The following STK32B variants were observed in gnomAD, a reference collection of about 807,000 sequenced individuals.
The protein encoded by STK32B is serine/threonine-protein kinase 32B.
A neutral mutation model predicts 52.6 loss-of-function variants in STK32B; 43 were observed. The ratio of observed to expected loss-of-function variants is 0.82; its 90% CI spans 0.64 to 1.05. The LOEUF is 1.05. Among genes scored for constraint, STK32B ranks in the 50% least tolerant of loss-of-function variants. The pLI is 0.00. For missense variants in STK32B, 621 were observed against 534.6 expected, an observed-to-expected ratio of 1.16 and a Z score of -1.59; for synonymous variants, 238 against 204.3, an observed-to-expected ratio of 1.17 and a Z score of -1.41.
intron 11 of STK32B, among the ~76,000 whole-genome samples, chr4:5,473,317 C>T (rs1717985954): frequency 6.6e-6 from 1 of 152,192 alleles, no homozygotes; most frequent in African/African-American, 2.4e-5. Context: ...GGAAGGATTG[C>T]TTTGCACAAG....
intron 6 of STK32B, among the ~76,000 whole-genome samples, chr4:5,432,111 A>C (rs1713638135): frequency 6.6e-6 from 1 of 152,238 alleles, no homozygotes; most frequent in Admixed American, 6.5e-5. Context: ...ATGCGTCAAT[A>C]AGTTGTCTCA....
chr4:5,457,300 C>T (rs1225905019), intron 8 of STK32B, among the ~76,000 whole-genome samples: 1 of 149,846 alleles, frequency 6.7e-6, no homozygotes, highest in Non-Finnish European at 1.5e-5. Context: ...ACTGCAAGCT[C>T]CGCCTCCCGG....
chr4:5,106,407 T>C (rs892237789), intron 1 of STK32B, among the ~76,000 whole-genome samples: 16 of 152,240 alleles, frequency 1.1e-4, no homozygotes, highest in Admixed American at 5.2e-4. Flanking sequence ...TTTTTTTTAT[T>C]GTCAACTATT....
chr4:5,215,041 A>G (rs16836876), intron 3 of STK32B, among the ~76,000 whole-genome samples: 5,785 of 152,304 alleles, frequency 0.038, 120 homozygotes, highest in African/African-American at 0.061. Context: ...GAATTGATGG[A>G]TATATTGAAA....
intron 11 of STK32B, among the ~76,000 whole-genome samples, chr4:5,492,680 T>C (rs1199700553): frequency 6.6e-6 from 1 of 151,172 alleles, no homozygotes; most frequent in East Asian, 1.9e-4. Flanking sequence ...GCTTCCAGTT[T>C]TTGCCCATTC....
intron 7 of STK32B, among the ~76,000 whole-genome samples, chr4:5,450,034 A>G (rs1193735191): frequency 2.0e-5 from 3 of 152,194 alleles, no homozygotes; most frequent in Non-Finnish European, 2.9e-5. Flanking sequence ...CATGGAAAAA[A>G]ATGTCTTCCA....
At chr4:5,156,076 C>T (rs1717807606) in intron 2 of STK32B, among the ~76,000 whole-genome samples, 1 of 151,602 alleles carries the variant, frequency 6.6e-6, no homozygotes, top group Non-Finnish European at 1.5e-5. Flanking sequence ...TTCATAGATA[C>T]ACATACATGT....
At chr4:5,111,925 A>G (rs1323881410) in intron 1 of STK32B, among the ~76,000 whole-genome samples, 2 of 152,126 alleles carry the variant, frequency 1.3e-5, no homozygotes, top group Non-Finnish European at 2.9e-5. Flanking sequence ...AAAGCAGCAA[A>G]TAAAGGAGAT....
chr4:5,339,229 G>A lies in STK32B; in HGVS notation c.434+7836G>A, dbSNP rs115989191. 7.8e-3 allele frequency among the ~76,000 whole-genome samples: 1,193 copies of A among 152,248 alleles called. 16 individuals carry two copies. Among genetic ancestry groups the A allele is most frequent in the African/African-American group, 0.028 (1,146 of 41,540 alleles). On this transcript the variant is annotated intron_variant, in intron 4 of 11. Transcript: ENST00000282908. ...CTGGGTCTCCAGCTTGCAGATAGCA[G>A]ATCATAGGACTTCTCAGCCTCCAAA...
chr4:5,140,773 G>A (rs777674214), intron 2 of STK32B, among the ~76,000 whole-genome samples: 13 of 152,094 alleles, frequency 8.5e-5, no homozygotes, highest in Non-Finnish European at 1.6e-4. Flanking sequence ...CTCCCTCCTT[G>A]CCTAGTTTTA....
intron 3 of STK32B, among the ~76,000 whole-genome samples, chr4:5,329,582 C>T (rs560788897): frequency 2.0e-5 from 3 of 152,308 alleles, no homozygotes; most frequent in African/African-American, 7.2e-5. Context: ...AATGCCAGCC[C>T]GTGCATTGTC....
chr4:5,351,124 A>G (rs187205777), intron 4 of STK32B, among the ~76,000 whole-genome samples: 1 of 152,176 alleles, frequency 6.6e-6, no homozygotes, highest in African/African-American at 2.4e-5. Flanking sequence ...TACTCCACAT[A>G]AGACCAAAAG....
intron 3 of STK32B, among the ~76,000 whole-genome samples, chr4:5,174,913 A>G (rs1325550583): frequency 6.6e-6 from 1 of 152,024 alleles, no homozygotes; most frequent in Non-Finnish European, 1.5e-5. Context: ...ACTTGGTTCC[A>G]TTTTCCCTGT....
intron 3 of STK32B, among the ~76,000 whole-genome samples, chr4:5,288,241 C>T (rs548223789): frequency 3.3e-5 from 5 of 152,218 alleles, no homozygotes; most frequent in African/African-American, 1.2e-4. Flanking sequence ...TTTCACTTCT[C>T]TTAGGTATAT....
chr4:5,282,328 A>C (rs1728253229), intron 3 of STK32B, among the ~76,000 whole-genome samples: 1 of 152,152 alleles, frequency 6.6e-6, no homozygotes, highest in Admixed American at 6.5e-5. Context: ...CCCTTATATA[A>C]AATGCCACAA....
chr4:5,395,277 A>C lies in STK32B; in HGVS notation c.435-2930A>C, dbSNP rs1242447538. On this transcript the variant is annotated intron_variant, in intron 4 of 11. Transcript: ENST00000282908. This position sits in a 1 kb window ranked among gnomAD's most constrained non-coding sequence, Gnocchi z 4.4. The stretch of plus-strand genomic sequence containing the variant: ...GTTTGCCCTGTAACATAACTGAATT[A>C]AGGGGGTGACACCCATCACCTTTGT... Among the ~76,000 whole-genome samples the C allele has an allele frequency of 6.6e-6, 1 of 152,166 alleles. No homozygotes were observed. The highest frequency in any genetic ancestry group is 1.5e-5 in the Non-Finnish European group (1 of 68,022).
At chr4:5,062,236 T>G (rs2108759121) in intron 1 of STK32B, among the ~76,000 whole-genome samples, 1 of 152,316 alleles carries the variant, frequency 6.6e-6, no homozygotes, top group South Asian at 2.1e-4. Flanking sequence ...ACTTTCTCGA[T>G]GATAACATAT....
chr4:5,112,689 T>A (rs181906191), intron 1 of STK32B, among the ~76,000 whole-genome samples: 2 of 152,256 alleles, frequency 1.3e-5, no homozygotes, highest in African/African-American at 4.8e-5. Context: ...CGCAGTCAAA[T>A]GGACATGCAA....
chr4:5,466,952 A>G, intron 10 of STK32B, 118 bp downstream of exon 10: 1 of 1,334,200 alleles, frequency 7.5e-7, no homozygotes. Context: ...CAATTTCCTT[A>G]TTTTGCAGTA....
Sources: gnomAD v4.1 joint callset for allele counts (sites outside exome capture counted in the v4.1 genomes callset) on GRCh38, gnomAD v4.1.1 for gene constraint, Gnocchi (gnomAD v3.1) non-coding constraint, MANE v1.5 for transcripts, NCBI Gene and HGNC (gene_info 2026-07-23, HGNC 2026-07-21) for gene names.